Variants in NAV3 observed in about 807,000 individuals in gnomAD.
NAV3 encodes neuron navigator 3, also known as pore membrane and/or filament interacting like protein 1.
A neutral mutation model predicts 244.7 loss-of-function variants in NAV3; 87 were observed. The ratio of observed to expected loss-of-function variants is 0.36; its 90% confidence interval spans 0.30 to 0.42. The LOEUF (loss-of-function observed/expected upper bound fraction) is 0.42. Among genes scored for constraint, NAV3 ranks in the 20% least tolerant of loss-of-function variants. The probability of loss-of-function intolerance (pLI) is 1.00; values close to 1 mark genes in which losing one functional copy is unlikely to be tolerated. For missense variants in NAV3, 2,663 were observed against 2,893.3 expected (o/e 0.92, Z 1.83); for synonymous variants, 1,126 against 1,042.2 (o/e 1.08, Z -1.55).
intron 2 of NAV3, among the ~76,000 whole-genome samples, chr12:77,739,572 T>C (rs567280958): frequency 6.6e-5 from 10 of 152,284 alleles, no homozygotes; most frequent in African/African-American, 2.2e-4. Flanking sequence ...ACAGTTTTTA[T>C]TAGAAAAACT....
chr12:77,723,467 T>C (rs1044150042), intron 2 of NAV3, among the ~76,000 whole-genome samples: 1 of 152,080 alleles, frequency 6.6e-6, no homozygotes, highest in African/African-American at 2.4e-5. Flanking sequence ...CTAGTCAAGC[T>C]ATGTGAACAG....
intron 34 of NAV3, among the ~76,000 whole-genome samples, chr12:78,197,011 G>A (rs1250874714): frequency 3.3e-5 from 5 of 151,926 alleles, no homozygotes; most frequent in Admixed American, 2.6e-4. Context: ...TGCTGCAGGT[G>A]TTTGGTACTG....
chr12:78,164,962 TGGAAAGGCCACCA>T (rs534845668), intron 23 of NAV3, among the ~76,000 whole-genome samples: 60 of 152,166 alleles, frequency 3.9e-4, no homozygotes, highest in Middle Eastern at 3.4e-3. Flanking sequence ...GAAACTGGGT[TGGAAAGGCCACCA>T]GGAAAGGCGA....
At chr12:77,627,642 T>C (rs1871696771) in intron 2 of NAV3, among the ~76,000 whole-genome samples, 1 of 152,022 alleles carries the variant, frequency 6.6e-6, no homozygotes, top group Non-Finnish European at 1.5e-5. Flanking sequence ...ACTCTAAAAT[T>C]AAAGTAAAAT....
intron 2 of NAV3, among the ~76,000 whole-genome samples, chr12:77,588,447 G>A (rs972367993): frequency 6.6e-6 from 1 of 152,100 alleles, no homozygotes; most frequent in African/African-American, 2.4e-5. Flanking sequence ...TATTTGACCA[G>A]TAATAGGTTA....
At position 77,805,526 on chromosome 12, in the gene NAV3, C is replaced by T. The variant is rs183491425; in HGVS notation, c.73-134793C>T. 3.0e-3 allele frequency among the ~76,000 whole-genome samples: 458 copies of T among 152,264 alleles called. 2 individuals carry two copies. Among genetic ancestry groups the T allele is most frequent in the African/African-American group, 0.01 (426 of 41,546 alleles). Reference sequence around the variant, plus strand: ...ATCCCAGGGATGAAACCGACTTGATCGTGGTGAATAAGCTTTTTGATGTGC... The same window carrying T: ...ATCCCAGGGATGAAACCGACTTGATTGTGGTGAATAAGCTTTTTGATGTGC... On this transcript the variant is annotated intron_variant, in intron 2 of 8. Transcript: ENST00000550042.
chr12:77,663,522 CT>C (rs4017472), intron 2 of NAV3, among the ~76,000 whole-genome samples: 301 of 139,292 alleles, frequency 2.2e-3, no homozygotes, highest in Non-Finnish European at 2.2e-3. Flanking sequence ...TCTTCTTCTT[CT>C]TTTTTTTTTT....
intron 2 of NAV3, among the ~76,000 whole-genome samples, chr12:77,732,317 A>G (rs1031979466): frequency 5.9e-5 from 9 of 151,938 alleles, no homozygotes; most frequent in African/African-American, 2.2e-4. Context: ...GGAGGTAGAC[A>G]TTACTGAACG....
intron 18 of NAV3, among the ~76,000 whole-genome samples, chr12:78,135,269 T>G (rs993860145): frequency 6.6e-6 from 1 of 152,222 alleles, no homozygotes; most frequent in African/African-American, 2.4e-5. Context: ...ATATTTTTCC[T>G]TCTATTCAAC....
intron 3 of NAV3, among the ~76,000 whole-genome samples, chr12:77,951,889 A>G (rs1890923321): frequency 6.6e-6 from 1 of 152,066 alleles, no homozygotes; most frequent in Non-Finnish European, 1.5e-5. Context: ...GGACACAGGA[A>G]GGAGAACATC....
At chr12:78,189,408 A>G (rs1805698903) in intron 33 of NAV3, among the ~76,000 whole-genome samples, 1 of 151,772 alleles carries the variant, frequency 6.6e-6, no homozygotes, top group Non-Finnish European at 1.5e-5. Flanking sequence ...GTAAAATGAG[A>G]TACTGTTGCT....
chr12:77,963,998 C>T (rs1399924636), intron 3 of NAV3, among the ~76,000 whole-genome samples: 1 of 146,554 alleles, frequency 6.8e-6, no homozygotes, highest in Non-Finnish European at 1.5e-5. Context: ...CTCCTCCCTC[C>T]TCCCTCCTCC....
intron 2 of NAV3, among the ~76,000 whole-genome samples, chr12:77,609,708 G>C (rs755024232): frequency 6.6e-6 from 1 of 150,606 alleles, no homozygotes; most frequent in South Asian, 2.1e-4. Context: ...GTTTATGCCA[G>C]TATCTTTCCC....
chr12:77,876,971 G>C (rs1318451647), intron 1 of NAV3, among the ~76,000 whole-genome samples: 1 of 152,032 alleles, frequency 6.6e-6, no homozygotes, highest in African/African-American at 2.4e-5. Flanking sequence ...CAGTACTTAA[G>C]AATTGTCTTA....
At chr12:77,830,415 T>A (rs1248833534), upstream of NAV3, among the ~76,000 whole-genome samples, 3 of 152,230 alleles carry the variant, frequency 2.0e-5, no homozygotes, top group African/African-American at 7.2e-5. Flanking sequence ...AATATGCCTA[T>A]ACTTTGAGTC....
rs772572462 is a variant in NAV3, at chr12:78,007,201, A to G, written c.1663A>G (p.Arg555Gly). 2 of 1,614,214 alleles carry G rather than the reference A, an allele frequency of 1.2e-6. No individual in the cohort carries two copies. The highest frequency in any genetic ancestry group is 1.7e-6 in the Non-Finnish European group (2 of 1,180,032). Reference sequence around the variant, plus strand: ...AGCAAGCAAAGAGTCTGAGAAATTCAGGACTACCAAGGGGAGCCCTTCCCA... The same window carrying G: ...AGCAAGCAAAGAGTCTGAGAAATTCGGGACTACCAAGGGGAGCCCTTCCCA... ...STASKESEKF[R>G]TTKGSPSQSL... Residue 555 changes from arginine (R) to glycine (G), a missense_variant, in exon 8 of 40, where the codon AGG becomes GGG. By Grantham distance (125) the Arg-to-Gly change is moderately radical. Transcript: ENST00000397909.
At chr12:78,059,317 T>A (rs1259782262) in intron 12 of NAV3, among the ~76,000 whole-genome samples, 1 of 152,096 alleles carries the variant, frequency 6.6e-6, no homozygotes, top group East Asian at 1.9e-4. Flanking sequence ...TGAGACAGAG[T>A]CTTGCTCTGT....
chr12:78,190,355 C>T, intron 34 of NAV3, 136 bp downstream of exon 34: 2 of 700,006 alleles, frequency 2.9e-6, no homozygotes, highest in Non-Finnish European at 4.7e-6. Context: ...GAATTGTAAC[C>T]TGGTGAGTGA....
At chr12:77,580,109 A>G (rs1869282628) in intron 2 of NAV3, among the ~76,000 whole-genome samples, 1 of 151,800 alleles carries the variant, frequency 6.6e-6, no homozygotes, top group Admixed American at 6.6e-5. Context: ...AAATCACGGC[A>G]CTCCATTTTA....
Sources: allele counts gnomAD v4.1 joint callset (sites outside exome capture counted in the v4.1 genomes callset), GRCh38; gene constraint gnomAD v4.1.1; transcripts MANE v1.5; gene names NCBI Gene and HGNC (gene_info 2026-07-23, HGNC 2026-07-21).